Variants in GALNT18 observed in about 807,000 individuals in gnomAD.
GALNT18 encodes GalNAc-transferase 18.
In GALNT18, 44 loss-of-function variants were observed where a neutral mutation model predicts 69.5. That is an observed-to-expected ratio of 0.63 (90% CI 0.50 to 0.81). GALNT18 has a LOEUF of 0.81. Ranked by LOEUF, GALNT18 falls within the 40% of genes least tolerant of loss-of-function variation. The probability of loss-of-function intolerance (pLI) is 0.00; values close to 1 mark genes in which losing one functional copy is unlikely to be tolerated. For missense variants in GALNT18, 715 were observed against 810.0 expected, an observed-to-expected ratio of 0.88 and a Z score of 1.42; for synonymous variants, 364 against 318.2, an observed-to-expected ratio of 1.14 and a Z score of -1.53.
rs1002483011 is a variant in GALNT18 at position 11,606,240 on chromosome 11, A to G, written c.235+15119T>C. 2.0e-5 allele frequency among the ~76,000 whole-genome samples: 3 copies of G among 152,134 alleles called. No homozygotes were observed. Among genetic ancestry groups the G allele is most frequent in the Non-Finnish European group, 2.9e-5 (2 of 68,034 alleles). On this transcript the variant is annotated intron_variant, in intron 1 of 10. Transcript: ENST00000227756. The surrounding 1 kb of genome is among the most constrained non-coding windows in gnomAD (Gnocchi z 5.4). Reference sequence around the variant, plus strand: ...AACTCCTACCTAGCCCCTACTGTATACCTGGCACTGTGTGACAAACTGGAA... The same window carrying G: ...AACTCCTACCTAGCCCCTACTGTATGCCTGGCACTGTGTGACAAACTGGAA...
Position 11,497,199 on chromosome 11 carries a change from C to T in GALNT18, c.236-48263G>A, listed in dbSNP as rs952551147. 6.6e-6 allele frequency among the ~76,000 whole-genome samples: 1 copy of T among 152,170 alleles called. No individual in the cohort carries two copies. Among genetic ancestry groups the T allele is most frequent in the African/African-American group, 2.4e-5 (1 of 41,426 alleles). On this transcript the variant is annotated intron_variant, in intron 1 of 10. Transcript: ENST00000227756. The surrounding 1 kb of genome is among the most constrained non-coding windows in gnomAD (Gnocchi z 4.2). ...CCACAGGACAACCTTCCCCAACCAG[C>T]CAACATCAGCACCCTCAACTGACCC...
chr11:11,272,509 T>G (rs559261051), intron 10 of GALNT18, among the ~76,000 whole-genome samples: 9 of 152,322 alleles, frequency 5.9e-5, no homozygotes, highest in Admixed American at 5.9e-4. Flanking sequence ...GTGCTGCCTT[T>G]CTAGCCTCAT....
chr11:11,461,204 T>C lies in GALNT18; in HGVS notation c.236-12268A>G, dbSNP rs1590023027. 6.6e-6 allele frequency among the ~76,000 whole-genome samples: 1 copy of C among 152,206 alleles called. No homozygotes were observed. The highest frequency in any genetic ancestry group is 2.4e-5 in the African/African-American group (1 of 41,450). ...CCTGACGGGCTGGCACTGCTGGGTC[T>C]TTCCTCCCCTGCAAGGGGGACTTCT... On this transcript the variant is annotated intron_variant, in intron 1 of 10. Coordinates refer to ENST00000227756, the MANE Select transcript of GALNT18 (RefSeq NM_198516.3). The surrounding 1 kb of genome is among the most constrained non-coding windows in gnomAD (Gnocchi z 4.1).
chr11:11,315,400 C>T lies in GALNT18; in HGVS notation c.1512+11686G>A, dbSNP rs919014938. Among the ~76,000 whole-genome samples, 6 of 152,140 alleles carry T rather than the reference C, an allele frequency of 3.9e-5. No homozygotes were observed. Among genetic ancestry groups the T allele is most frequent in the South Asian group, 2.1e-4 (1 of 4,832 alleles). On this transcript the variant is annotated intron_variant, in intron 9 of 10. Coordinates refer to ENST00000227756, the MANE Select transcript of GALNT18 (RefSeq NM_198516.3). This position sits in a 1 kb window ranked among gnomAD's most constrained non-coding sequence, Gnocchi z 5.6. Reference sequence around the variant, plus strand: ...CAATGAGGAGACAGACAGAATAGCACGTTCCTGAGCTCTGGAACACAGGCA... The same window carrying T: ...CAATGAGGAGACAGACAGAATAGCATGTTCCTGAGCTCTGGAACACAGGCA...
At chr11:11,278,251 A>G (rs1320305193) in intron 10 of GALNT18, among the ~76,000 whole-genome samples, 6 of 151,580 alleles carry the variant, frequency 4.0e-5, no homozygotes, top group Admixed American at 6.6e-5. Flanking sequence ...AGACAGATCA[A>G]TGAGACAGAA....
chr11:11,468,188 T>G (rs1394844787), intron 1 of GALNT18, among the ~76,000 whole-genome samples: 1 of 152,254 alleles, frequency 6.6e-6, no homozygotes, highest in South Asian at 2.1e-4. Context: ...CATTCTCCTC[T>G]GTCCCACAGC....
At chr11:11,351,691 A>C (rs1850406402) in intron 6 of GALNT18, among the ~76,000 whole-genome samples, 1 of 151,792 alleles carries the variant, frequency 6.6e-6, no homozygotes, top group African/African-American at 2.4e-5. Flanking sequence ...TCTGGCCCCC[A>C]TTACTGTCAC....
intron 1 of GALNT18, among the ~76,000 whole-genome samples, chr11:11,514,041 T>C (rs971296090): frequency 6.6e-6 from 1 of 152,194 alleles, no homozygotes; most frequent in Non-Finnish European, 1.5e-5. Flanking sequence ...TGCTGTGAGA[T>C]GCCTTGTGAT....
chr11:11,556,168 G>A (rs1352026873), intron 1 of GALNT18, among the ~76,000 whole-genome samples: 2 of 152,208 alleles, frequency 1.3e-5, no homozygotes, highest in African/African-American at 4.8e-5. Context: ...TGGGCTCAGG[G>A]TTCCCACTAC....
At position 11,584,298 on chromosome 11, in the gene GALNT18, GA is replaced by G. The variant is rs1859163323; in HGVS notation, c.235+37060del. On this transcript the variant is annotated intron_variant, in intron 1 of 10. Transcript: ENST00000227756. This position sits in a 1 kb window ranked among gnomAD's most constrained non-coding sequence, Gnocchi z 4.1. ...CCTGGAAGTTATGTCCAGGGAAGAA[GA>G]AAAATAAATAAATAACACCTTGCAA... Among the ~76,000 whole-genome samples the G allele has an allele frequency of 6.6e-6, 1 of 152,080 alleles. No homozygotes were observed. Among genetic ancestry groups the G allele is most frequent in the Non-Finnish European group, 1.5e-5 (1 of 68,012 alleles).
At chr11:11,558,321 G>A (rs1267904699) in intron 1 of GALNT18, among the ~76,000 whole-genome samples, 2 of 152,210 alleles carry the variant, frequency 1.3e-5, no homozygotes, top group East Asian at 3.8e-4. Flanking sequence ...GCAATACCTT[G>A]TAATAGATGC....
chr11:11,333,341 G>A (rs1376602507), intron 7 of GALNT18, among the ~76,000 whole-genome samples: 2 of 152,102 alleles, frequency 1.3e-5, no homozygotes, highest in African/African-American at 4.8e-5. Flanking sequence ...AATGAGACAT[G>A]CAATATATAT....
rs1018766091 is a variant in GALNT18 at position 11,538,629 on chromosome 11, G to C, written c.235+82730C>G. 2.6e-5 allele frequency among the ~76,000 whole-genome samples: 4 copies of C among 152,210 alleles called. No homozygotes were observed. Among genetic ancestry groups the C allele is most frequent in the African/African-American group, 9.7e-5 (4 of 41,448 alleles). ...GCTCCTATCTGGGGATGAAGCACAG[G>C]CTGACCTGATAGTGAGTCCTCCCTT... On this transcript the variant is annotated intron_variant, in intron 1 of 10. Transcript: ENST00000227756. This position sits in a 1 kb window ranked among gnomAD's most constrained non-coding sequence, Gnocchi z 5.2.
At chr11:11,559,488 T>C (rs1198963687) in intron 1 of GALNT18, among the ~76,000 whole-genome samples, 1 of 152,160 alleles carries the variant, frequency 6.6e-6, no homozygotes, top group Non-Finnish European at 1.5e-5. Context: ...CCATCTACAA[T>C]CTCATGAGTG....
Position 11,332,643 on chromosome 11 carries a change from G to A in GALNT18, c.1416+51C>T. 1 of 1,601,542 alleles carries A rather than the reference G, an allele frequency of 6.2e-7. No individual in the cohort carries two copies. The highest frequency in any genetic ancestry group is 8.6e-7 in the Non-Finnish European group (1 of 1,169,586). On this transcript the variant is annotated intron_variant, in intron 8 of 10. Coordinates refer to ENST00000227756, the MANE Select transcript of GALNT18 (RefSeq NM_198516.3). The surrounding 1 kb of genome is among the most constrained non-coding windows in gnomAD (Gnocchi z 4.3). ...TCCCTCCTCTCCCTTTCTTCACTAT[G>A]TTTCTTTCTGTCTGTGTCTGAATGA...
intron 3 of GALNT18, among the ~76,000 whole-genome samples, chr11:11,385,547 G>A (rs574798281): frequency 1.3e-4 from 20 of 152,120 alleles, no homozygotes; most frequent in South Asian, 1.2e-3. Context: ...TGCCCGCCTC[G>A]GCCTCCCAAA....
At chr11:11,577,920 G>A (rs1403299799) in intron 1 of GALNT18, among the ~76,000 whole-genome samples, 1 of 152,214 alleles carries the variant, frequency 6.6e-6, no homozygotes, top group Non-Finnish European at 1.5e-5. Context: ...AGGGGCATTT[G>A]GCAGGAAAAG....
chr11:11,284,351 A>G (rs898936516), intron 10 of GALNT18, among the ~76,000 whole-genome samples: 15 of 152,152 alleles, frequency 9.9e-5, no homozygotes, highest in African/African-American at 2.9e-4. Context: ...TAAACTATAG[A>G]TCACTGCCCC....
rs1859478187 is a variant in GALNT18 at position 11,595,545 on chromosome 11, A to G, written c.235+25814T>C. Among the ~76,000 whole-genome samples the G allele has an allele frequency of 6.6e-6, 1 of 152,168 alleles. No individual in the cohort carries two copies. The highest frequency in any genetic ancestry group is 2.4e-5 in the African/African-American group (1 of 41,432). ...TCTTCAATAGTGTATGAGGATTCCA[A>G]CTTCTCCACATCCTCACCAACACTC... On this transcript the variant is annotated intron_variant, in intron 1 of 10. Coordinates refer to ENST00000227756, the MANE Select transcript of GALNT18 (RefSeq NM_198516.3). The surrounding 1 kb of genome is among the most constrained non-coding windows in gnomAD (Gnocchi z 5.2).
Sources: allele counts gnomAD v4.1 joint callset (sites outside exome capture counted in the v4.1 genomes callset), GRCh38; gene constraint gnomAD v4.1.1; non-coding constraint Gnocchi (gnomAD v3.1); transcripts MANE v1.5; gene names NCBI Gene and HGNC (gene_info 2026-07-23, HGNC 2026-07-21).